ANO3: variants seen among roughly 807,000 people sequenced by gnomAD.
The protein encoded by ANO3 is anoctamin 3, also known as anoctamin-3.
In ANO3, 99 loss-of-function variants were observed where a neutral mutation model predicts 144.8. That is an observed-to-expected ratio of 0.68 (90% CI 0.58 to 0.81). The LOEUF (loss-of-function observed/expected upper bound fraction) is 0.81. ANO3 is among the 30% of genes least tolerant of loss of function. The pLI, the probability that ANO3 is intolerant of heterozygous loss-of-function variation, is 0.00. For missense variants in ANO3, 905 were observed against 1,202.2 expected (o/e 0.75, Z 3.66); for synonymous variants, 414 against 392.6 (o/e 1.05, Z -0.64).
At chr11:26,534,323 A>AT (rs907875716) in intron 8 of ANO3, 133 bp from the exon 9 acceptor site, 396 of 528,878 alleles carry the variant, frequency 7.5e-4, no homozygotes, top group South Asian at 1.4e-3. Flanking sequence ...TTCTCTGTCA[A>AT]TTTTTTTTTA....
At chr11:26,526,918 A>G (rs1849177889) in intron 7 of ANO3, among the ~76,000 whole-genome samples, 1 of 152,120 alleles carries the variant, frequency 6.6e-6, no homozygotes, top group Non-Finnish European at 1.5e-5. Context: ...GGAATATTAC[A>G]ATTTGCAAGT....
At chr11:26,215,646 C>T (rs1564920451) in intron 1 of ANO3, among the ~76,000 whole-genome samples, 1 of 151,952 alleles carries the variant, frequency 6.6e-6, no homozygotes, top group Non-Finnish European at 1.5e-5. Context: ...AACATTGCTA[C>T]TAATTTCAGG....
At chr11:26,523,738 A>G (rs368198297) in intron 6 of ANO3, among the ~76,000 whole-genome samples, 2 of 152,256 alleles carry the variant, frequency 1.3e-5, no homozygotes, top group East Asian at 3.9e-4. Context: ...GACTTTCTCC[A>G]TTTTCTTTAT....
intron 1 of ANO3, among the ~76,000 whole-genome samples, chr11:26,298,895 G>C (rs962485604): frequency 2.1e-4 from 32 of 152,138 alleles, no homozygotes; most frequent in Non-Finnish European, 1.8e-4. Context: ...TACAGTCTGG[G>C]AGCCAAGATC....
At chr11:26,243,182 C>T (rs1172527224) in intron 1 of ANO3, among the ~76,000 whole-genome samples, 2 of 152,066 alleles carry the variant, frequency 1.3e-5, no homozygotes, top group Admixed American at 6.6e-5. Context: ...AAACAATACA[C>T]GTTTTCAGAA....
intron 5 of ANO3, 81 bp from the exon 6 acceptor site, chr11:26,516,746 C>A: frequency 2.1e-6 from 2 of 972,508 alleles, no homozygotes; most frequent in Non-Finnish European, 3.2e-6. Flanking sequence ...GGACAATGTT[C>A]TTTATTCCCA....
At chr11:26,595,097 G>C (rs1222192024) in intron 14 of ANO3, among the ~76,000 whole-genome samples, 4 of 152,186 alleles carry the variant, frequency 2.6e-5, no homozygotes, top group Non-Finnish European at 5.9e-5. Flanking sequence ...TTTCCAATGA[G>C]CTTTAGTCCT....
chr11:26,332,364 C>A (rs1483181879), intron 1 of ANO3, 43 bp downstream of exon 1: 19 of 1,595,448 alleles, frequency 1.2e-5, no homozygotes, highest in Non-Finnish European at 1.6e-5. Context: ...GGCGTCACTT[C>A]CCCCCTGCAT....
chr11:26,240,894 T>G (rs1371972048), intron 1 of ANO3, among the ~76,000 whole-genome samples: 1 of 152,194 alleles, frequency 6.6e-6, no homozygotes, highest in Non-Finnish European at 1.5e-5. Flanking sequence ...ATTCATTGCT[T>G]ATGACAGCCT....
chr11:26,356,669 C>T (rs924444339), intron 1 of ANO3, among the ~76,000 whole-genome samples: 3 of 152,122 alleles, frequency 2.0e-5, no homozygotes, highest in Non-Finnish European at 2.9e-5. Flanking sequence ...TTAAACAGTA[C>T]ATTTATTCTC....
At chr11:26,650,421 T>C (rs575452816) in intron 24 of ANO3, among the ~76,000 whole-genome samples, 2 of 151,860 alleles carry the variant, frequency 1.3e-5, no homozygotes, top group Admixed American at 6.6e-5. Flanking sequence ...TAACATGTGG[T>C]CTGCAGATCT....
At chr11:26,354,036 T>C (rs1478295117) in intron 1 of ANO3, among the ~76,000 whole-genome samples, 1 of 152,212 alleles carries the variant, frequency 6.6e-6, no homozygotes, top group Non-Finnish European at 1.5e-5. Context: ...AATCTAGACC[T>C]CTATTAAAAT....
At chr11:26,514,600 A>G (rs1299316908) in intron 5 of ANO3, among the ~76,000 whole-genome samples, 1 of 152,082 alleles carries the variant, frequency 6.6e-6, no homozygotes, top group Non-Finnish European at 1.5e-5. Flanking sequence ...ATAGCATGTG[A>G]TTTCTTCCAA....
At chr11:26,553,116 A>G (rs1197838445) in intron 12 of ANO3, 133 bp from the exon 13 acceptor site, 3 of 695,690 alleles carry the variant, frequency 4.3e-6, no homozygotes, top group Non-Finnish European at 7.6e-6. Flanking sequence ...ACCACTCCCC[A>G]CTATTCCCAT....
intron 1 of ANO3, among the ~76,000 whole-genome samples, chr11:26,212,601 G>C (rs1218860733): frequency 6.6e-6 from 1 of 151,952 alleles, no homozygotes; most frequent in Non-Finnish European, 1.5e-5. Context: ...CTGAATCCCT[G>C]AATAGATCAA....
chr11:26,430,897 C>A (rs1858067192), intron 1 of ANO3, among the ~76,000 whole-genome samples: 1 of 152,162 alleles, frequency 6.6e-6, no homozygotes, highest in Non-Finnish European at 1.5e-5. Flanking sequence ...CAAGGAATTG[C>A]ACCCACAATC....
chr11:26,623,988 C>T (rs1352910410), intron 17 of ANO3, among the ~76,000 whole-genome samples: 2 of 151,862 alleles, frequency 1.3e-5, no homozygotes, highest in African/African-American at 4.8e-5. Flanking sequence ...GGGTTTCACC[C>T]TGTTAGCCAG....
Position 26,323,107 on chromosome 11 carries a change from T to G in ANO3, c.-3+13388T>G, listed in dbSNP as rs547815292. Among the ~76,000 whole-genome samples, 10 of 152,162 alleles carry G rather than the reference T, an allele frequency of 6.6e-5. No homozygotes were observed. In the East Asian group the frequency reaches 1.7e-3, roughly 26 times the overall value. ...GCTTTCATCAATTTTGTGTGTGTGT[T>G]TTTTAACCACTTTCTTACTTTCTGG... On this transcript the variant is annotated intron_variant, in intron 1 of 26. Coordinates refer to the ANO3 transcript ENST00000525139.
intron 13 of ANO3, among the ~76,000 whole-genome samples, chr11:26,558,422 G>A (rs773078284): frequency 1.3e-5 from 2 of 152,016 alleles, no homozygotes; most frequent in South Asian, 2.1e-4. Flanking sequence ...TCTGTGGGAC[G>A]TCTTGAGAAA....
Sources: allele counts gnomAD v4.1 joint callset (sites outside exome capture counted in the v4.1 genomes callset), GRCh38; gene constraint gnomAD v4.1.1; transcripts MANE v1.5; gene names NCBI Gene and HGNC (gene_info 2026-07-23, HGNC 2026-07-21).